BEND7: variants seen among roughly 807,000 people sequenced by gnomAD.
BEND7 encodes the protein BEN domain-containing protein 7.
BEND7 carries 28 observed loss-of-function variants against 50.9 expected under a neutral mutation model. The observed-to-expected ratio is 0.55, with a 90% CI of 0.41 to 0.75. The LOEUF (loss-of-function observed/expected upper bound fraction) is 0.75, where lower values mean the gene tolerates loss of function less well. BEND7 is among the 30% of genes least tolerant of loss of function. The pLI is 0.00. For missense variants in BEND7, 477 were observed against 491.3 expected (o/e 0.97, Z 0.28); for synonymous variants, 170 against 183.9 (o/e 0.92, Z 0.61).
In BEND7 at chr10:13,528,815, C is replaced by T. The variant is rs1313096038; in HGVS notation, c.-282G>A. 2.8e-5 allele frequency: 4 copies of T among 144,820 alleles called. No homozygotes were observed. Among genetic ancestry groups the T allele is most frequent in the African/African-American group, 7.4e-5 (3 of 40,372 alleles). The allele number at this position is 144,820 out of a possible 1,614,324, so 9.0% of individuals were successfully genotyped here. On this transcript the variant is annotated 5_prime_UTR_variant, in exon 1 of 9. The change abolishes an upstream ATG in the 5' untranslated region. Coordinates refer to ENST00000466271, the MANE Select transcript of BEND7 (RefSeq NM_001369863.1). ...CCTAGGCGCCCCCGCGGCCCCCGCT[C>T]ATGCCGGCCCGCGGGTTCCAGACGC...
At chr10:13,489,087 T>C in intron 5 of BEND7, among the ~76,000 whole-genome samples, 1 of 152,218 alleles carries the variant, frequency 6.6e-6, no homozygotes, top group Middle Eastern at 3.2e-3. Context: ...GGCCTTGTTC[T>C]AAGTGCTCCA....
intron 8 of BEND7, chr10:13,446,078 A>G (rs576729628): frequency 6.6e-6 from 1 of 152,364 alleles, no homozygotes; most frequent in Admixed American, 6.5e-5. Flanking sequence ...ATGTGAAAAC[A>G]CAGCCAAAGA....
chr10:13,529,332 G>A (rs1355892305), upstream of BEND7, among the ~76,000 whole-genome samples: 1 of 151,788 alleles, frequency 6.6e-6, no homozygotes, highest in Admixed American at 6.6e-5. Context: ...CGCCGTGGGG[G>A]CGCGGACCGC....
chr10:13,439,087 GA>G, downstream of BEND7: 1 of 1,323,124 alleles, frequency 7.6e-7, no homozygotes, highest in South Asian at 1.5e-5. Context: ...ACCAGGGCCT[GA>G]AATCTTAACA....
intron 6 of BEND7, among the ~76,000 whole-genome samples, chr10:13,475,373 G>A (rs1460031970): frequency 2.6e-5 from 4 of 152,196 alleles, no homozygotes; most frequent in Non-Finnish European, 4.4e-5. Context: ...GGTTCTGACT[G>A]CCAAACATTT....
intron 7 of BEND7, among the ~76,000 whole-genome samples, chr10:13,447,569 A>C (rs1588624627): frequency 1.9e-5 from 2 of 104,206 alleles, no homozygotes; most frequent in Admixed American, 1.5e-4. Context: ...TTTGAGACGG[A>C]GTCTCGCTCT....
At chr10:13,479,743 C>T (rs142217617) in intron 6 of BEND7, among the ~76,000 whole-genome samples, 2 of 152,212 alleles carry the variant, frequency 1.3e-5, no homozygotes, top group Non-Finnish European at 2.9e-5. Flanking sequence ...TAATACAACT[C>T]AACTGTCACT....
At chr10:13,474,643 C>A (rs1047064000) in intron 6 of BEND7, among the ~76,000 whole-genome samples, 1 of 151,572 alleles carries the variant, frequency 6.6e-6, no homozygotes, top group Non-Finnish European at 1.5e-5. Flanking sequence ...GGACTCGGGT[C>A]GATACCCGTC....
chr10:13,466,017 T>C (rs1277562288), intron 6 of BEND7, among the ~76,000 whole-genome samples: 1 of 152,168 alleles, frequency 6.6e-6, no homozygotes, highest in Non-Finnish European at 1.5e-5. Flanking sequence ...GTTTCTCAAA[T>C]TAAACAAGGT....
Position 13,522,091 on chromosome 10 carries a change from A to T in BEND7, c.145+4047T>A, listed in dbSNP as rs372337127. Among the ~76,000 whole-genome samples the T allele has an allele frequency of 1.9e-3, 290 of 150,710 alleles. 1 individual carries two copies. The highest frequency in any genetic ancestry group is 6.9e-3 in the African/African-American group (280 of 40,860). On this transcript the variant is annotated intron_variant, in intron 2 of 8. Transcript: ENST00000466271. ...GAACTGAATATTAAAAAGAATAACTAGAACAGGGCTTGGCATGGATGTAAA... is the reference window on the plus strand; with the variant it reads ...GAACTGAATATTAAAAAGAATAACTTGAACAGGGCTTGGCATGGATGTAAA...
chr10:13,469,997 T>G (rs1030550065), intron 6 of BEND7, among the ~76,000 whole-genome samples: 2 of 152,048 alleles, frequency 1.3e-5, no homozygotes, highest in African/African-American at 4.8e-5. Flanking sequence ...GGCATCAAAA[T>G]TGTAGATCCA....
At chr10:13,501,386 A>G (rs972514267) in intron 2 of BEND7, among the ~76,000 whole-genome samples, 17 of 150,980 alleles carry the variant, frequency 1.1e-4, no homozygotes, top group African/African-American at 4.1e-4. Context: ...AAAAAAAAAA[A>G]AAAAAAAAAG....
chr10:13,525,158 T>C (rs148609525), intron 2 of BEND7, among the ~76,000 whole-genome samples: 92 of 152,340 alleles, frequency 6.0e-4, no homozygotes, highest in African/African-American at 2.1e-3. Flanking sequence ...CCCTGCTACC[T>C]GGGATTGCAG....
chr10:13,521,831 C>T (rs897128028), intron 2 of BEND7, among the ~76,000 whole-genome samples: 5 of 152,342 alleles, frequency 3.3e-5, no homozygotes, highest in South Asian at 4.1e-4. Context: ...ACGGACCTGC[C>T]GAGTCCTCCA....
chr10:13,492,925 G>A, intron 4 of BEND7, 49 bp from the exon 5 acceptor site: 8 of 1,568,674 alleles, frequency 5.1e-6, no homozygotes, highest in Non-Finnish European at 6.9e-6. Context: ...GTCTGACTTA[G>A]GAAAACTTAT....
intron 2 of BEND7, chr10:13,500,732 C>A (rs1378733475): frequency 3.0e-6 from 3 of 985,462 alleles, no homozygotes; most frequent in Non-Finnish European, 3.6e-6. Flanking sequence ...GGCAGCATGG[C>A]AAGCGAGGGG....
intron 6 of BEND7, among the ~76,000 whole-genome samples, chr10:13,460,583 C>A (rs1840007089): frequency 6.6e-6 from 1 of 152,194 alleles, no homozygotes; most frequent in Non-Finnish European, 1.5e-5. Flanking sequence ...GCATATGACC[C>A]CCGTGTTTGG....
chr10:13,452,848 T>C (rs556843059), intron 6 of BEND7, among the ~76,000 whole-genome samples, 190 bp from the exon 7 acceptor site: 1 of 152,336 alleles, frequency 6.6e-6, no homozygotes, highest in South Asian at 2.1e-4. Flanking sequence ...GTAGGTCCAA[T>C]GCATTGTGCT....
intron 2 of BEND7, among the ~76,000 whole-genome samples, chr10:13,511,026 G>A (rs1463460278): frequency 6.6e-6 from 1 of 152,098 alleles, no homozygotes; most frequent in African/African-American, 2.4e-5. Flanking sequence ...TAAAAAATAC[G>A]AAAATTAGCT....
Sources: gnomAD v4.1 joint callset for allele counts (sites outside exome capture counted in the v4.1 genomes callset) on GRCh38, gnomAD v4.1.1 for gene constraint, MANE v1.5 for transcripts, NCBI Gene and HGNC (gene_info 2026-07-23, HGNC 2026-07-21) for gene names.